MMP11: variants seen among roughly 807,000 people sequenced by gnomAD.
MMP11 encodes the protein matrix metallopeptidase 11, also known as stromelysin-3.
In MMP11, 26 loss-of-function variants were observed where a neutral mutation model predicts 49.5. The ratio of observed to expected loss-of-function variants is 0.52; its 90% CI spans 0.38 to 0.73. The LOEUF (loss-of-function observed/expected upper bound fraction) is 0.73. Among genes scored for constraint, MMP11 ranks in the 30% least tolerant of loss-of-function variants. MMP11 has a pLI of 0.00. For missense variants in MMP11, 624 were observed against 671.2 expected, an observed-to-expected ratio of 0.93 and a Z score of 0.78; for synonymous variants, 265 against 282.3, an observed-to-expected ratio of 0.94 and a Z score of 0.62.
At chr22:23,781,641 T>G (rs28363666) in intron 6 of MMP11, 11,089 of 636,262 alleles carry the variant, frequency 0.017, 384 homozygotes, top group South Asian at 0.097. Context: ...CGGTGGGGCC[T>G]CGTGTTGGTG....
rs1229078300 is a variant in MMP11, at chr22:23,783,522, A to G, written c.1445A>G (p.Glu482Gly). ...LVGPDFFGCA[E>G]PANTFL ...GGTCCTGACTTCTTTGGCTGTGCCG[A>G]GCCTGCCAACACTTTCCTCTGACCA... is the stretch of plus-strand genomic sequence containing the variant. The change falls in exon 8 of 8, where the codon GAG becomes GGG. Residue 482 changes from glutamate (E) to glycine (G), a missense_variant. Glu to Gly is a moderately conservative substitution (Grantham distance 98). Coordinates refer to ENST00000215743, the MANE Select transcript of MMP11 (RefSeq NM_005940.5). The G allele has an allele frequency of 1.9e-6, 3 of 1,614,034 alleles. No homozygotes were observed. Among genetic ancestry groups the G allele is most frequent in the Admixed American group, 3.3e-5 (2 of 60,004 alleles).
At chr22:23,783,037 C>T (rs1189341932) in intron 7 of MMP11, among the ~76,000 whole-genome samples, 2 of 152,150 alleles carry the variant, frequency 1.3e-5, no homozygotes, top group Non-Finnish European at 2.9e-5. Context: ...CTAGGGTAGC[C>T]TCCAGCTCCA....
At chr22:23,773,099 G>A (rs1927291574) in intron 1 of MMP11, 121 bp downstream of exon 1, 1 of 1,034,760 alleles carries the variant, frequency 9.7e-7, no homozygotes, top group South Asian at 4.6e-5. Flanking sequence ...CCCGGTACCC[G>A]AAACGCTTTC....
At chr22:23,776,176 T>C (rs1927403573) in intron 1 of MMP11, among the ~76,000 whole-genome samples, 1 of 152,166 alleles carries the variant, frequency 6.6e-6, no homozygotes, top group African/African-American at 2.4e-5. Flanking sequence ...TCCATGACTG[T>C]CTGCACCAGG....
chr22:23,780,681 C>T lies in MMP11; in HGVS notation c.582C>T (p.Asp194=), dbSNP rs1170684060. 1 of 1,574,130 alleles carries T rather than the reference C, an allele frequency of 6.4e-7. No homozygotes were observed. Among genetic ancestry groups the T allele is most frequent in the Non-Finnish European group, 8.6e-7 (1 of 1,162,882 alleles). ...KTHREGDVHF[D]YDETWTIGDD... ...ACCGAGAAGGGGATGTCCACTTCGA[C>T]TATGATGAGACCTGGACTATCGGGG... Residue 194 remains aspartate, a synonymous_variant, in exon 4 of 8, where the codon GAC becomes GAT. Transcript: ENST00000215743. This position sits in a 1 kb window ranked among gnomAD's most constrained non-coding sequence, Gnocchi z 4.6.
chr22:23,772,964 C>G lies in MMP11; in HGVS notation c.94C>G (p.Arg32Gly). ...GCTCCAGCCGCCGCCGCTGCTGGCCCGGGCTCTGCCGCCGGTGAGTGCCCG... is the reference window on the plus strand; with the variant it reads ...GCTCCAGCCGCCGCCGCTGCTGGCCGGGGCTCTGCCGCCGGTGAGTGCCCG... ...LLLQPPPLLA[R>G]ALPPDAHHLH... Residue 32 changes from arginine to glycine, a missense_variant, in exon 1 of 8, where the codon CGG becomes GGG. Physicochemically the swap from Arg to Gly is moderately radical, Grantham distance 125. Coordinates refer to ENST00000215743, the MANE Select transcript of MMP11 (RefSeq NM_005940.5). 8.3e-7 allele frequency: 1 copy of G among 1,208,724 alleles called. No homozygotes were observed. The highest frequency in any genetic ancestry group is 1.0e-6 in the Non-Finnish European group (1 of 970,084). 74.9% of individuals were successfully genotyped at this position (1,208,724 alleles called of 1,614,324 possible). A position where few individuals can be genotyped will look rare whatever the true frequency, so the allele number is the denominator to read the frequency against.
At chr22:23,779,127 T>C in intron 1 of MMP11, 60 bp from the exon 2 acceptor site, 1 of 1,350,446 alleles carries the variant, frequency 7.4e-7, no homozygotes. Flanking sequence ...GCCACATCTC[T>C]AACTGTGGGC....
intron 1 of MMP11, among the ~76,000 whole-genome samples, chr22:23,777,474 G>C (rs1927450552): frequency 6.6e-6 from 1 of 151,850 alleles, no homozygotes; most frequent in African/African-American, 2.4e-5. Flanking sequence ...GGCTGAGTCA[G>C]GAGCATGGCA....
chr22:23,779,166 T>G, intron 1 of MMP11, 21 bp from the exon 2 acceptor site: 1 of 1,552,380 alleles, frequency 6.4e-7, no homozygotes, highest in Admixed American at 1.8e-5. Flanking sequence ...GACCAGACCC[T>G]CATGTCATCC....
chr22:23,774,266 C>T (rs958509565), intron 1 of MMP11, among the ~76,000 whole-genome samples: 13 of 152,302 alleles, frequency 8.5e-5, no homozygotes, highest in African/African-American at 2.4e-4. Context: ...TGATGCCAGG[C>T]TCACTAGAAA....
rs1265742692 is a variant in MMP11 at position 23,783,732 on chromosome 22, G to C, written c.*188G>C. The C allele has an allele frequency of 1.4e-6, 1 of 710,098 alleles. No homozygotes were observed. The highest frequency in any genetic ancestry group is 2.3e-6 in the Non-Finnish European group (1 of 428,854). The allele number at this position is 710,098 out of a possible 1,614,324, so 44.0% of individuals were successfully genotyped here. On this transcript the variant is annotated 3_prime_UTR_variant, in exon 8 of 8. Coordinates refer to ENST00000215743, the MANE Select transcript of MMP11 (RefSeq NM_005940.5). ...AGGGCCACGCAGGTCGTGGTCACCT[G>C]CCAGCGACTGTCTCAGACTGGGCAG...
intron 1 of MMP11, among the ~76,000 whole-genome samples, chr22:23,776,841 T>C (rs1230773715): frequency 6.7e-6 from 1 of 148,658 alleles, no homozygotes; most frequent in Non-Finnish European, 1.5e-5. Flanking sequence ...GGAGTCTCGC[T>C]CTGTCACCCA....
chr22:23,783,700 TGCCGGG>T lies in MMP11; in HGVS notation c.*157_*162del. 1.9e-6 allele frequency: 2 copies of T among 1,039,290 alleles called. No individual in the cohort carries two copies. The highest frequency in any genetic ancestry group is 1.4e-6 in the Non-Finnish European group (1 of 711,210). The allele number at this position is 1,039,290 out of a possible 1,614,324, so 64.4% of individuals were successfully genotyped here. ...GGTGGGGTACAACCACCATGACAAC[TGCCGGG>T]AGGGCCACGCAGGTCGTGGTCACCT... is the stretch of plus-strand genomic sequence containing the variant. On this transcript the variant is annotated 3_prime_UTR_variant, in exon 8 of 8. Transcript: ENST00000215743.
chr22:23,780,333 G>A lies in MMP11; in HGVS notation c.339-26G>A. On this transcript the variant is annotated intron_variant, in intron 2 of 7. Transcript: ENST00000215743. This position sits in a 1 kb window ranked among gnomAD's most constrained non-coding sequence, Gnocchi z 4.6. The stretch of plus-strand genomic sequence containing the variant: ...CATCGGGGGCTGTCCCTTCCCTGAG[G>A]CCCAGGCCCCTCCATCTCCCTCCAG... 1 of 1,612,040 alleles carries A rather than the reference G, an allele frequency of 6.2e-7. No individual in the cohort carries two copies. Among genetic ancestry groups the A allele is most frequent in the Non-Finnish European group, 8.5e-7 (1 of 1,179,982 alleles).
At chr22:23,783,244 G>A (rs1215763316) in intron 7 of MMP11, among the ~76,000 whole-genome samples, 167 bp from the exon 8 acceptor site, 1 of 152,118 alleles carries the variant, frequency 6.6e-6, no homozygotes, top group Non-Finnish European at 1.5e-5. Context: ...AGAGGGAAGA[G>A]AGGTTCTGAA....
Position 23,782,315 on chromosome 22 carries a change from G to T in MMP11, c.1165G>T (p.Ala389Ser). Reference sequence around the variant, plus strand: ...GGGCCTGGTGAGGTTCCCGGTCCATGCTGCCTTGGTCTGGGGTCCCGAGAA... The same window carrying T: ...GGGCCTGGTGAGGTTCCCGGTCCATTCTGCCTTGGTCTGGGGTCCCGAGAA... Reference protein sequence around the residue: ...ELGLVRFPVHAALVWGPEKNK... With the variant: ...ELGLVRFPVHSALVWGPEKNK... Residue 389 changes from alanine to serine, a missense_variant, in exon 7 of 8, where the codon GCT becomes TCT. Physicochemically the swap from Ala to Ser is moderately conservative, Grantham distance 99. Transcript: ENST00000215743. The T allele has an allele frequency of 6.2e-7, 1 of 1,613,964 alleles. No individual in the cohort carries two copies. Among genetic ancestry groups the T allele is most frequent in the South Asian group, 1.1e-5 (1 of 91,084 alleles).
intron 6 of MMP11, 139 bp downstream of exon 6, chr22:23,781,548 G>A (rs977286254): frequency 6.0e-6 from 5 of 829,646 alleles, no homozygotes; most frequent in Non-Finnish European, 9.4e-6. Flanking sequence ...CCGAGGGAGA[G>A]AGAGTGTGGT....
rs1245714092 is a variant in MMP11, at chr22:23,772,891, C to T, written c.21C>T (p.Leu7=). 7.7e-6 allele frequency: 9 copies of T among 1,166,760 alleles called. No homozygotes were observed. The highest frequency in any genetic ancestry group is 4.2e-5 in the South Asian group (1 of 24,082). 72.3% of individuals were successfully genotyped at this position (1,166,760 alleles called of 1,614,324 possible). A position where few individuals can be genotyped will look rare whatever the true frequency, so the allele number is the denominator to read the frequency against. The change falls in exon 1 of 8, where the codon CTC becomes CTT. Residue 7 remains leucine (L), a synonymous_variant. Transcript: ENST00000215743. ...GGCGGATGGCTCCGGCCGCCTGGCT[C>T]CGCAGCGCGGCCGCGCGCGCCCTCC... MAPAAW[L]RSAAARALLP... is the part of the protein sequence containing the mutation.
chr22:23,777,518 G>C (rs2145938875), intron 1 of MMP11: 1 of 144,322 alleles, frequency 6.9e-6, no homozygotes, highest in South Asian at 2.2e-4. Context: ...AGTGAGCCCA[G>C]ATCACACCAC....
Sources: gnomAD v4.1 joint callset for allele counts (sites outside exome capture counted in the v4.1 genomes callset) on GRCh38, gnomAD v4.1.1 for gene constraint, Gnocchi (gnomAD v3.1) non-coding constraint, MANE v1.5 for transcripts, NCBI Gene and HGNC (gene_info 2026-07-23, HGNC 2026-07-21) for gene names.